The following CHRM3 variants were observed in gnomAD, a reference collection of about 807,000 sequenced individuals.
CHRM3 encodes cholinergic receptor muscarinic 3.
In CHRM3, 11 loss-of-function variants were observed where a neutral mutation model predicts 41.8. That is an observed-to-expected ratio of 0.26 (90% confidence interval 0.17 to 0.44). The LOEUF (loss-of-function observed/expected upper bound fraction) is 0.44, where lower values mean the gene tolerates loss of function less well. CHRM3 is among the 20% of genes least tolerant of loss of function. The pLI, the probability that CHRM3 is intolerant of heterozygous loss-of-function variation, is 1.00. For synonymous variants in CHRM3, 297 were observed against 301.4 expected (o/e 0.99, Z 0.15); for missense variants, 571 against 745.4 (o/e 0.77, Z 2.72).
chr1:239,897,446 A>G (rs1679102467), intron 6 of CHRM3, among the ~76,000 whole-genome samples: 1 of 152,238 alleles, frequency 6.6e-6, no homozygotes, highest in African/African-American at 2.4e-5. Context: ...GACTGTTTTC[A>G]CTAGATTTTT....
chr1:239,689,265 A>G (rs896694217), intron 5 of CHRM3, among the ~76,000 whole-genome samples: 8 of 151,962 alleles, frequency 5.3e-5, no homozygotes, highest in Non-Finnish European at 1.0e-4. Context: ...TTCTCAGTTT[A>G]CTTTTTTTTC....
intron 3 of CHRM3, among the ~76,000 whole-genome samples, chr1:239,602,135 T>TATAC (rs1665670172): frequency 6.9e-6 from 1 of 145,750 alleles, no homozygotes; most frequent in Non-Finnish European, 1.5e-5. Flanking sequence ...TATATATATA[T>TATAC]ATATAATTTT....
chr1:239,831,970 G>A (rs1023096911), intron 6 of CHRM3, among the ~76,000 whole-genome samples: 9 of 152,214 alleles, frequency 5.9e-5, no homozygotes, highest in Non-Finnish European at 1.0e-4. Context: ...CTTTATCTGT[G>A]TATTTACTGA....
intron 5 of CHRM3, among the ~76,000 whole-genome samples, chr1:239,750,510 C>T (rs1293781395): frequency 6.6e-6 from 1 of 152,134 alleles, no homozygotes; most frequent in Admixed American, 6.5e-5. Flanking sequence ...TAAGTTTAGC[C>T]TAAAGCTGCC....
chr1:239,420,094 G>A (rs2103094491), intron 1 of CHRM3, among the ~76,000 whole-genome samples: 1 of 152,296 alleles, frequency 6.6e-6, no homozygotes, highest in African/African-American at 2.4e-5. Context: ...AGCTGGGCCT[G>A]TAGTTTGAGG....
chr1:239,821,680 T>C (rs1034516692), intron 5 of CHRM3, among the ~76,000 whole-genome samples: 19 of 152,216 alleles, frequency 1.2e-4, no homozygotes, highest in African/African-American at 4.3e-4. Context: ...GAAGTTTAAA[T>C]TTAGCTGGAA....
intron 6 of CHRM3, among the ~76,000 whole-genome samples, chr1:239,831,884 T>G (rs1163405936): frequency 6.6e-6 from 1 of 152,192 alleles, no homozygotes; most frequent in Non-Finnish European, 1.5e-5. Context: ...TTTTAAGCAG[T>G]TAGAAATTAT....
At chr1:239,615,262 A>T (rs1477708744) in intron 3 of CHRM3, among the ~76,000 whole-genome samples, 1 of 152,184 alleles carries the variant, frequency 6.6e-6, no homozygotes, top group Non-Finnish European at 1.5e-5. Context: ...TAAGGTGAGC[A>T]TCTCTATTTT....
intron 1 of CHRM3, among the ~76,000 whole-genome samples, chr1:239,474,166 C>T (rs1240763319): frequency 1.3e-5 from 2 of 151,790 alleles, no homozygotes; most frequent in East Asian, 3.9e-4. Context: ...AAAAGAGTAA[C>T]TAAAGCACTG....
At chr1:239,713,338 A>G (rs188009326) in intron 5 of CHRM3, among the ~76,000 whole-genome samples, 23 of 152,240 alleles carry the variant, frequency 1.5e-4, no homozygotes, top group African/African-American at 4.8e-4. Context: ...CTGTAATTAT[A>G]CTGTCGATTC....
rs1339206855 is a variant in CHRM3 at position 239,642,086 on chromosome 1, T to C, written c.-250+9800T>C. Among the ~76,000 whole-genome samples, 4 of 127,686 alleles carry C rather than the reference T, an allele frequency of 3.1e-5. 1 individual carries two copies. The highest frequency in any genetic ancestry group is 1.3e-4 in the African/African-American group (4 of 31,706). 83.8% of individuals were successfully genotyped at this position (127,686 alleles called of 152,430 possible). On this transcript the variant is annotated intron_variant, in intron 4 of 6. Transcript: ENST00000676153. The stretch of plus-strand genomic sequence containing the variant: ...AATTCTTTTCTTTAAGAATGTTGAA[T>C]ATTGGCCCCCACTCTCTTCTGGCTT...
At chr1:239,528,964 C>A (rs537600732) in intron 2 of CHRM3, among the ~76,000 whole-genome samples, 5 of 152,130 alleles carry the variant, frequency 3.3e-5, no homozygotes, top group Admixed American at 6.6e-5. Context: ...TCCAGAATAA[C>A]CCCCGAAAAC....
At chr1:239,858,930 T>A (rs1467912979) in intron 6 of CHRM3, among the ~76,000 whole-genome samples, 1 of 152,228 alleles carries the variant, frequency 6.6e-6, no homozygotes, top group Non-Finnish European at 1.5e-5. Context: ...GTACCACGTG[T>A]TCCATTTTAT....
intron 6 of CHRM3, among the ~76,000 whole-genome samples, chr1:239,871,527 A>T (rs973925342): frequency 6.6e-6 from 1 of 152,196 alleles, no homozygotes; most frequent in African/African-American, 2.4e-5. Context: ...GGCATGAGCC[A>T]CCACCCCTGG....
intron 1 of CHRM3, among the ~76,000 whole-genome samples, chr1:239,476,041 T>C (rs1666445688): frequency 6.6e-6 from 1 of 151,640 alleles, no homozygotes; most frequent in South Asian, 2.1e-4. Flanking sequence ...CATAATTTCT[T>C]TGGATTCTTA....
intron 2 of CHRM3, among the ~76,000 whole-genome samples, chr1:239,514,307 T>C (rs762656262): frequency 1.3e-5 from 2 of 152,032 alleles, no homozygotes; most frequent in African/African-American, 2.4e-5. Context: ...ATTTCTTTCA[T>C]TGGAGTTTTG....
intron 2 of CHRM3, among the ~76,000 whole-genome samples, chr1:239,494,959 G>GA (rs932520480): frequency 4.0e-5 from 6 of 151,874 alleles, no homozygotes; most frequent in African/African-American, 9.7e-5. Flanking sequence ...TCTTCCATAA[G>GA]AAAAAAATGA....
chr1:239,704,462 G>C (rs530787542), intron 5 of CHRM3: 1 of 152,126 alleles, frequency 6.6e-6, no homozygotes, highest in Non-Finnish European at 1.5e-5. Flanking sequence ...GATAAAACTC[G>C]AAAGAACATC....
At chr1:239,622,470 G>C (rs1301040651) in intron 3 of CHRM3, among the ~76,000 whole-genome samples, 1 of 152,114 alleles carries the variant, frequency 6.6e-6, no homozygotes, top group African/African-American at 2.4e-5. Context: ...CTTGAGAGGA[G>C]GTAAAAATAT....
Sources: gnomAD v4.1 joint callset for allele counts (sites outside exome capture counted in the v4.1 genomes callset) on GRCh38, gnomAD v4.1.1 for gene constraint, MANE v1.5 for transcripts, NCBI Gene and HGNC (gene_info 2026-07-23, HGNC 2026-07-21) for gene names.